The following RAF1 variants were observed in gnomAD, a reference collection of about 807,000 sequenced individuals.
RAF1 encodes RAF proto-oncogene serine/threonine-protein kinase.
RAF1 carries 27 observed loss-of-function variants against 81.1 expected under a neutral mutation model. The observed-to-expected ratio is 0.33, with a 90% CI of 0.25 to 0.46. RAF1 has a LOEUF of 0.46. Ranked by LOEUF, RAF1 falls within the 20% of genes least tolerant of loss-of-function variation. The pLI is 1.00. For synonymous variants in RAF1, 298 were observed against 294.0 expected (o/e 1.01, Z -0.14); for missense variants, 598 against 826.0 (o/e 0.72, Z 3.38).
intron 1 of RAF1, among the ~76,000 whole-genome samples, chr3:12,651,455 G>A (rs1161106423): frequency 2.0e-5 from 3 of 152,016 alleles, no homozygotes; most frequent in Non-Finnish European, 2.9e-5. Flanking sequence ...CCAACATGGT[G>A]AAACACTGTC....
chr3:12,625,104 G>A (rs2059664859), intron 1 of RAF1, among the ~76,000 whole-genome samples: 1 of 151,264 alleles, frequency 6.6e-6, no homozygotes, highest in African/African-American at 2.4e-5. Flanking sequence ...ATTTTTTTGA[G>A]GCGGAATCTC....
chr3:12,651,095 C>T (rs1416455699), intron 1 of RAF1, among the ~76,000 whole-genome samples: 1 of 152,160 alleles, frequency 6.6e-6, no homozygotes, highest in Non-Finnish European at 1.5e-5. Context: ...CAATTAATGT[C>T]TTTACAAAGG....
intron 8 of RAF1, among the ~76,000 whole-genome samples, chr3:12,602,576 T>C (rs2058894312): frequency 6.6e-6 from 1 of 152,152 alleles, no homozygotes; most frequent in African/African-American, 2.4e-5. Flanking sequence ...AGGTAGGTCT[T>C]GAACTCCTGG....
intron 1 of RAF1, among the ~76,000 whole-genome samples, chr3:12,657,000 G>GA (rs773741528): frequency 0.12 from 16,298 of 138,752 alleles, 1,044 homozygotes; most frequent in African/African-American, 0.14. Flanking sequence ...TCCATCTCGG[G>GA]GAAAAAAAAA....
chr3:12,632,673 G>A (rs13099808), intron 1 of RAF1, among the ~76,000 whole-genome samples: 18,380 of 152,092 alleles, frequency 0.12, 1,343 homozygotes, highest in Admixed American at 0.2. Flanking sequence ...CCTAGTTCCC[G>A]AAGAGCTCTC....
chr3:12,585,351 G>A (rs2058297908), intron 15 of RAF1, 98 bp from the exon 15 acceptor site: 2 of 1,579,592 alleles, frequency 1.3e-6, no homozygotes, highest in South Asian at 2.3e-5. Context: ...AGTTATGAAT[G>A]AGTCCATTCT....
intron 1 of RAF1, among the ~76,000 whole-genome samples, chr3:12,628,803 G>C (rs1390558024): frequency 6.6e-6 from 1 of 151,028 alleles, no homozygotes; most frequent in Non-Finnish European, 1.5e-5. Context: ...CCAGGCTAGA[G>C]GGCAGTGGTG....
At chr3:12,590,491 A>C in intron 13 of RAF1, 1 of 381,114 alleles carries the variant, frequency 2.6e-6, no homozygotes, top group Non-Finnish European at 5.1e-6. Flanking sequence ...GACTTGGTTC[A>C]TTCTTGTATT....
intron 1 of RAF1, among the ~76,000 whole-genome samples, chr3:12,661,455 G>C (rs925271851): frequency 6.6e-6 from 1 of 152,032 alleles, no homozygotes; most frequent in African/African-American, 2.4e-5. Context: ...TGTAATCCCA[G>C]CGAGGCCGTG....
At chr3:12,617,821 A>G (rs1454440391) in intron 2 of RAF1, among the ~76,000 whole-genome samples, 1 of 144,778 alleles carries the variant, frequency 6.9e-6, no homozygotes, top group Non-Finnish European at 1.5e-5. Context: ...TCAACCCAGG[A>G]GGCAGAGGTT....
chr3:12,661,267 GGTT>G (rs1289814714), intron 1 of RAF1, among the ~76,000 whole-genome samples: 1 of 152,090 alleles, frequency 6.6e-6, no homozygotes, highest in African/African-American at 2.4e-5. Context: ...TTTTATAACA[GGTT>G]GTTATCCGAG....
chr3:12,629,512 C>A (rs915918293), intron 1 of RAF1, among the ~76,000 whole-genome samples: 11 of 152,176 alleles, frequency 7.2e-5, no homozygotes, highest in Non-Finnish European at 1.6e-4. Context: ...ATCCTCCCAA[C>A]AACCCCCTAT....
In RAF1 at chr3:12,608,852, A is replaced by G; in HGVS notation, c.495T>C (p.Cys165=). ...CATGAAATTTGTAGCCACAAGTCTGACATCGAAATCCATTGAGCAGGAATT... is the reference window on the plus strand; with the variant it reads ...CATGAAATTTGTAGCCACAAGTCTGGCATCGAAATCCATTGAGCAGGAATT... Residue 165 remains cysteine (C), a synonymous_variant, in exon 5 of 18, where the codon TGT becomes TGC. Coordinates refer to ENST00000442415, the MANE Select transcript of RAF1 (RefSeq NM_001354689.3). 6.2e-7 allele frequency: 1 copy of G among 1,614,234 alleles called. No individual in the cohort carries two copies. Among genetic ancestry groups the G allele is most frequent in the Non-Finnish European group, 8.5e-7 (1 of 1,180,036 alleles).
rs1240355259 is a variant in RAF1 at position 12,652,120 on chromosome 3, G to A, written c.-27+11693C>T. 4.6e-5 allele frequency among the ~76,000 whole-genome samples: 7 copies of A among 151,552 alleles called. No homozygotes were observed. In the East Asian group the frequency reaches 1.4e-3, roughly 29 times the overall value. ...AATCCCAGCTACTCGGGAGGCTGAG[G>A]CAGGAGAATCGCTTGAACCCAGGAG... On this transcript the variant is annotated intron_variant, in intron 1 of 17. Transcript: ENST00000442415.
In RAF1 at chr3:12,648,386, C is replaced by G. The variant is rs187061562; in HGVS notation, c.-27+15427G>C. ...TTTCCACACTAATTTCTCTTTCATA[C>G]TAAAGGCATTAATTTTCACAGTAAA... On this transcript the variant is annotated intron_variant, in intron 1 of 17. Coordinates refer to ENST00000442415, the MANE Select transcript of RAF1 (RefSeq NM_001354689.3). Among the ~76,000 whole-genome samples the G allele has an allele frequency of 2.6e-4, 39 of 151,252 alleles. No homozygotes were observed. The East Asian group carries it at 6.6e-3, about 26-fold the overall frequency.
intron 1 of RAF1, among the ~76,000 whole-genome samples, chr3:12,630,961 G>A (rs1559463907): frequency 6.6e-6 from 1 of 152,036 alleles, no homozygotes; most frequent in Admixed American, 6.6e-5. Flanking sequence ...GTGCCACCAC[G>A]CCTGACTAAT....
chr3:12,643,116 C>T (rs1293966072), intron 1 of RAF1, among the ~76,000 whole-genome samples: 1 of 152,112 alleles, frequency 6.6e-6, no homozygotes, highest in African/African-American at 2.4e-5. Context: ...CAACTCCCAC[C>T]CATAACACTG....
In RAF1 at chr3:12,600,274, G is replaced by T. The variant is rs752484607; in HGVS notation, c.928C>A (p.Pro310Thr). Residue 310 changes from proline to threonine, a missense_variant, in exon 10 of 18, where the codon CCT becomes ACT. Physicochemically the swap from Pro to Thr is conservative, Grantham distance 38 (BLOSUM62 -1). This residue lies in a region of RAF1 where 194 missense variants were observed against 202.7 expected (regional missense o/e 0.96). Coordinates refer to ENST00000442415, the MANE Select transcript of RAF1 (RefSeq NM_001354689.3). Reference sequence around the variant, plus strand: ...TTGGGGCTACTGGACAGGGCTGAAGGTGAGGCTTAATAGACAAGACAAACA... The same window carrying T: ...TTGGGGCTACTGGACAGGGCTGAAGTTGAGGCTTAATAGACAAGACAAACA... The T allele has an allele frequency of 3.7e-6, 6 of 1,614,060 alleles. No homozygotes were observed. The African/African-American group carries it at 8.0e-5, about 22-fold the overall frequency.
intron 6 of RAF1, 54 bp from the exon 7 acceptor site, chr3:12,604,343 A>T (rs2058961138): frequency 6.4e-7 from 1 of 1,566,066 alleles, no homozygotes; most frequent in Non-Finnish European, 8.7e-7. Flanking sequence ...ATACTGGTGA[A>T]GTCTTTCAAG....
Sources: gnomAD v4.1 joint callset for allele counts (sites outside exome capture counted in the v4.1 genomes callset) on GRCh38, gnomAD v4.1.1 for gene constraint, gnomAD v4.1.1 regional missense constraint, MANE v1.5 for transcripts, NCBI Gene and HGNC (gene_info 2026-07-23, HGNC 2026-07-21) for gene names.